Variants in CROCC observed in about 807,000 individuals in gnomAD.
CROCC encodes the protein rootletin.
In CROCC, 180 loss-of-function variants were observed where a neutral mutation model predicts 245.2. That is an observed-to-expected ratio of 0.73 (90% CI 0.65 to 0.83). CROCC has a LOEUF of 0.83. Ranked by LOEUF, CROCC falls within the 40% of genes least tolerant of loss-of-function variation. The probability of loss-of-function intolerance (pLI) is 0.00; values close to 1 mark genes in which losing one functional copy is unlikely to be tolerated. For synonymous variants in CROCC, 1,205 were observed against 1,241.6 expected, an observed-to-expected ratio of 0.97 and a Z score of 0.62; for missense variants, 2,688 against 2,779.4, an observed-to-expected ratio of 0.97 and a Z score of 0.74.
chr1:16,915,354 C>T (rs1457453404), intron 1 of CROCC, among the ~76,000 whole-genome samples: 8 of 152,276 alleles, frequency 5.3e-5, no homozygotes, highest in Non-Finnish European at 1.5e-5. Flanking sequence ...GGAGCTTTGG[C>T]CTTAGCCCAT....
chr1:16,969,417 T>G, intron 32 of CROCC, 77 bp downstream of exon 32: 4 of 1,391,242 alleles, frequency 2.9e-6, no homozygotes, highest in Non-Finnish European at 4.0e-6. Context: ...AGGGGGGCCC[T>G]GGTAGAGAGC....
At chr1:16,938,037 C>T (rs1387709034) in intron 10 of CROCC, among the ~76,000 whole-genome samples, 1 of 152,276 alleles carries the variant, frequency 6.6e-6, no homozygotes, top group Non-Finnish European at 1.5e-5. Context: ...GAACTCCCAT[C>T]CACGCTCTCC....
chr1:16,952,815 G>A (rs1017296169), intron 20 of CROCC, among the ~76,000 whole-genome samples: 2 of 152,130 alleles, frequency 1.3e-5, no homozygotes, highest in African/African-American at 4.8e-5. Flanking sequence ...ACAGCTGTCG[G>A]AACATCCCCT....
chr1:16,930,310 G>C lies in CROCC; in HGVS notation c.646G>C (p.Glu216Gln), dbSNP rs1409592663. Reference protein sequence around the residue: ...LRDTEHSQDLESALIRLEEEQ... With the variant: ...LRDTEHSQDLQSALIRLEEEQ... ...GGACACAGAGCACAGCCAAGACCTG[G>C]AAAGCGCCCTCATCCGGCTGGAGGA... Residue 216 changes from glutamate (E) to glutamine (Q), a missense_variant, in exon 6 of 37, where the codon GAA becomes CAA. Glu to Gln is a conservative substitution (Grantham distance 29, BLOSUM62 2). Coordinates refer to ENST00000375541, the MANE Select transcript of CROCC (RefSeq NM_014675.5). 1 of 1,607,872 alleles carries C rather than the reference G, an allele frequency of 6.2e-7. No individual in the cohort carries two copies. The highest frequency in any genetic ancestry group is 1.1e-5 in the South Asian group (1 of 90,222).
chr1:16,971,939 C>T (rs976662134), intron 36 of CROCC, among the ~76,000 whole-genome samples: 1 of 152,212 alleles, frequency 6.6e-6, no homozygotes, highest in Non-Finnish European at 1.5e-5. Flanking sequence ...TCCCAGCAAT[C>T]TGTCATCTCA....
At position 16,961,118 on chromosome 1, in the gene CROCC, G is replaced by A; in HGVS notation, c.4393G>A (p.Ala1465Thr). 16 of 1,349,086 alleles carry A rather than the reference G, an allele frequency of 1.2e-5. No homozygotes were observed. The highest frequency in any genetic ancestry group is 3.6e-5 in the South Asian group (2 of 55,914). The allele number at this position is 1,349,086 out of a possible 1,614,324, so 83.6% of individuals were successfully genotyped here. The change falls in exon 27 of 37, where the codon GCA (alanine) becomes ACA (threonine). Residue 1465 changes from alanine (A) to threonine (T), a missense_variant. Ala to Thr is a moderately conservative substitution (Grantham distance 58, BLOSUM62 0). Transcript: ENST00000375541. ...AGTGCCCGGTTCCCCTGCCCGGGAC[G>A]CACCCGCAGAAGGTAAGGGCAGTGC... ...RPVPGSPARD[A>T]PAEGSGEGLN...
intron 3 of CROCC, among the ~76,000 whole-genome samples, chr1:16,927,474 C>T (rs1455791468): frequency 1.3e-5 from 2 of 152,258 alleles, no homozygotes; most frequent in South Asian, 2.1e-4. Context: ...ACACTTGCCT[C>T]ACCGACACAC....
At chr1:16,939,326 G>A (rs1304527082) in intron 12 of CROCC, among the ~76,000 whole-genome samples, 184 bp downstream of exon 12, 1 of 152,254 alleles carries the variant, frequency 6.6e-6, no homozygotes, top group Non-Finnish European at 1.5e-5. Context: ...CCCCAAGGAG[G>A]TGGCCGAGAG....
At chr1:16,972,294 G>A in intron 36 of CROCC, 66 bp from the exon 37 acceptor site, 2 of 1,312,716 alleles carry the variant, frequency 1.5e-6, no homozygotes, top group Non-Finnish European at 2.2e-6. Flanking sequence ...CGGGTTCCCT[G>A]CTGCCTCCCT....
rs549353694 is a variant in CROCC at position 16,937,834 on chromosome 1, C to T, written c.1290+97C>T. On this transcript the variant is annotated intron_variant, in intron 10 of 36. Coordinates refer to ENST00000375541, the MANE Select transcript of CROCC (RefSeq NM_014675.5). ...AGGGCTGGGCTGCCTGGGTCACCCC[C>T]AGCGTCCCACTCACACTCAGGTTCA... 297 of 1,057,556 alleles carry T rather than the reference C, an allele frequency of 2.8e-4. No homozygotes were observed. The African/African-American group carries it at 4.0e-3, about 14-fold the overall frequency. 65.5% of individuals were successfully genotyped at this position (1,057,556 alleles called of 1,614,324 possible).
chr1:16,961,139 A>T lies in CROCC; in HGVS notation c.4405+9A>T, dbSNP rs1292711812. On this transcript the variant is annotated intron_variant, in intron 27 of 36. Coordinates refer to ENST00000375541, the MANE Select transcript of CROCC (RefSeq NM_014675.5). ...GGACGCACCCGCAGAAGGTAAGGGCAGTGCCGCGCGCAGGGAAGGGGGGAG... is the reference window on the plus strand; with the variant it reads ...GGACGCACCCGCAGAAGGTAAGGGCTGTGCCGCGCGCAGGGAAGGGGGGAG... The T allele has an allele frequency of 7.7e-7, 1 of 1,303,844 alleles. No individual in the cohort carries two copies. Among genetic ancestry groups the T allele is most frequent in the Non-Finnish European group, 9.7e-7 (1 of 1,027,744 alleles). 80.8% of individuals were successfully genotyped at this position (1,303,844 alleles called of 1,614,324 possible). A position where few individuals can be genotyped will look rare whatever the true frequency, so the allele number is the denominator to read the frequency against.
rs761848310 is a variant in CROCC, at chr1:16,970,431, C to G, written c.5630C>G (p.Ala1877Gly). 6.3e-7 allele frequency: 1 copy of G among 1,596,290 alleles called. No homozygotes were observed. The change falls in exon 34 of 37, where the codon GCC (alanine) becomes GGC (glycine). Residue 1877 changes from alanine (A) to glycine (G), a missense_variant. By Grantham distance (60) the Ala-to-Gly change is moderately conservative (BLOSUM62 0). This residue lies in a region of CROCC where 1,218 missense variants were observed against 1,286.3 expected (regional missense o/e 0.95). Coordinates refer to ENST00000375541, the MANE Select transcript of CROCC (RefSeq NM_014675.5). ...CTGCGGCTGGAGAAGGACCGTGTAG[C>G]CCTCAGGAGGACGCTGGACAAGGTA... is the stretch of plus-strand genomic sequence containing the variant. The part of the protein sequence containing the change: ...SALRLEKDRV[A>G]LRRTLDKVER...
At chr1:16,967,146 A>C (rs1333803801) in intron 30 of CROCC, among the ~76,000 whole-genome samples, 1 of 152,178 alleles carries the variant, frequency 6.6e-6, no homozygotes, top group Non-Finnish European at 1.5e-5. Context: ...TAATCTGTAA[A>C]AGGAGGAGCA....
intron 2 of CROCC, among the ~76,000 whole-genome samples, chr1:16,923,142 C>T (rs1419814311): frequency 7.2e-5 from 11 of 152,272 alleles, no homozygotes; most frequent in Non-Finnish European, 1.5e-4. Flanking sequence ...CAGCTCAGCT[C>T]AGACCAGGGT....
In CROCC at chr1:16,960,936, G is replaced by C; in HGVS notation, c.4211G>C (p.Arg1404Pro). Residue 1404 changes from arginine to proline, a missense_variant, in exon 27 of 37, where the codon CGG (arginine) becomes CCG (proline). This residue lies in a region of CROCC where 1,218 missense variants were observed against 1,286.3 expected (regional missense o/e 0.95). Transcript: ENST00000375541. ...GCCGAGGCTGCAGAGCTGGGCCTGCGGCTGAGCGCAGCCGAGGGCCGGGCA... is the reference window on the plus strand; with the variant it reads ...GCCGAGGCTGCAGAGCTGGGCCTGCCGCTGAGCGCAGCCGAGGGCCGGGCA... ...ARAEAAELGLRLSAAEGRAQG... is the reference protein window; with the variant it reads ...ARAEAAELGLPLSAAEGRAQG... The C allele has an allele frequency of 6.9e-7, 1 of 1,445,554 alleles. No homozygotes were observed. The highest frequency in any genetic ancestry group is 9.0e-7 in the Non-Finnish European group (1 of 1,107,754). 89.5% of individuals were successfully genotyped at this position (1,445,554 alleles called of 1,614,324 possible). A position where few individuals can be genotyped will look rare whatever the true frequency, so the allele number is the denominator to read the frequency against.
rs777742931 is a variant in CROCC, at chr1:16,954,333, C to G, written c.3297C>G (p.Ala1099=). ...SLEMERQKRD[A]QSRQEQDRST... is the part of the protein sequence containing the mutation. ...AGATGGAGCGGCAGAAACGAGATGC[C>G]CAGAGCCGGCAGGAGCAGGACCGGG... The change falls in exon 22 of 37, where the codon GCC becomes GCG. Residue 1099 remains alanine (A), a synonymous_variant. Transcript: ENST00000375541. The surrounding 1 kb of genome is among the most constrained non-coding windows in gnomAD (Gnocchi z 4.4). 1.2e-6 allele frequency: 2 copies of G among 1,611,842 alleles called. No individual in the cohort carries two copies. Among genetic ancestry groups the G allele is most frequent in the Non-Finnish European group, 1.7e-6 (2 of 1,179,846 alleles).
chr1:16,915,078 C>G (rs936704472), intron 1 of CROCC, among the ~76,000 whole-genome samples: 1 of 151,268 alleles, frequency 6.6e-6, no homozygotes, highest in Non-Finnish European at 1.5e-5. Flanking sequence ...TTAACCCTCC[C>G]CTCCCCAAGT....
Position 16,965,761 on chromosome 1 carries a change from T to C in CROCC, c.4444T>C (p.Cys1482Arg), listed in dbSNP as rs1318287289. 14 of 1,613,888 alleles carry C rather than the reference T, an allele frequency of 8.7e-6. No individual in the cohort carries two copies. The highest frequency in any genetic ancestry group is 1.2e-5 in the Non-Finnish European group (14 of 1,179,984). The change falls in exon 28 of 37, where the codon TGC becomes CGC. Residue 1482 changes from cysteine (C) to arginine (R), a missense_variant. Coordinates refer to ENST00000375541, the MANE Select transcript of CROCC (RefSeq NM_014675.5). ...EGLNSPSTLE[C>R]SPGSQPPSPG... ...GCTCAACAGCCCCAGCACCTTAGAATGCAGCCCTGGGTCCCAGCCACCATC... is the reference window on the plus strand; with the variant it reads ...GCTCAACAGCCCCAGCACCTTAGAACGCAGCCCTGGGTCCCAGCCACCATC...
intron 30 of CROCC, among the ~76,000 whole-genome samples, chr1:16,967,986 G>C (rs577769355): frequency 6.6e-6 from 1 of 152,144 alleles, no homozygotes; most frequent in Non-Finnish European, 1.5e-5. Context: ...CATTGGCCTG[G>C]GCTAAAACTG....
Sources: gnomAD v4.1 joint callset for allele counts (sites outside exome capture counted in the v4.1 genomes callset) on GRCh38, gnomAD v4.1.1 for gene constraint, gnomAD v4.1.1 regional missense constraint, Gnocchi (gnomAD v3.1) non-coding constraint, MANE v1.5 for transcripts, NCBI Gene and HGNC (gene_info 2026-07-23, HGNC 2026-07-21) for gene names.